The following TMEM59L variants were observed in gnomAD, a reference collection of about 807,000 sequenced individuals.
TMEM59L encodes the protein transmembrane protein 59 like, also known as transmembrane protein 59-like.
In TMEM59L, 31 loss-of-function variants were observed where a neutral mutation model predicts 39.6. That is an observed-to-expected ratio of 0.78 (90% CI 0.59 to 1.06). TMEM59L has a LOEUF of 1.06. TMEM59L is among the 50% of genes least tolerant of loss of function. The pLI, the probability that TMEM59L is intolerant of heterozygous loss-of-function variation, is 0.00. For synonymous variants in TMEM59L, 219 were observed against 202.9 expected (o/e 1.08, Z -0.68); for missense variants, 441 against 451.3 (o/e 0.98, Z 0.21).
At chr19:18,619,177 A>C (rs1020268196) in intron 7 of TMEM59L, among the ~76,000 whole-genome samples, 1 of 151,226 alleles carries the variant, frequency 6.6e-6, no homozygotes, top group African/African-American at 2.4e-5. Flanking sequence ...TTTTTTGTAG[A>C]GATGGGGACT....
chr19:18,618,095 T>G, intron 5 of TMEM59L, 60 bp from the exon 6 acceptor site: 101 of 1,238,032 alleles, frequency 8.2e-5, no homozygotes, highest in Middle Eastern at 1.9e-4. Flanking sequence ...CTCCTGGTCA[T>G]GGTTATTGTG....
intron 5 of TMEM59L, chr19:18,617,850 G>T (rs1976448585): frequency 2.2e-6 from 1 of 449,136 alleles, no homozygotes; most frequent in East Asian, 4.9e-5. Flanking sequence ...GGTTCCATGG[G>T]TTCATCTTCT....
At chr19:18,616,160 G>T (rs1430959131) in intron 4 of TMEM59L, 33 bp downstream of exon 4, 2 of 1,611,274 alleles carry the variant, frequency 1.2e-6, no homozygotes, top group Middle Eastern at 3.6e-4. Context: ...CGCCAGAGTG[G>T]CAGATGGGTG....
chr19:18,620,188 G>A (rs184282880), intron 7 of TMEM59L, among the ~76,000 whole-genome samples: 48 of 152,124 alleles, frequency 3.2e-4, no homozygotes, highest in South Asian at 4.2e-4. Flanking sequence ...TGTAGTCCCA[G>A]CTACTTGGGA....
chr19:18,615,020 T>G (rs1205982633), intron 3 of TMEM59L, among the ~76,000 whole-genome samples: 1 of 152,200 alleles, frequency 6.6e-6, no homozygotes, highest in Admixed American at 6.5e-5. Context: ...TCTTGCTCTG[T>G]TGCCTAGCCT....
rs1976398241 is a variant in TMEM59L at position 18,613,883 on chromosome 19, G to A, written c.183G>A (p.Glu61=). Residue 61 remains glutamate, a synonymous_variant, in exon 2 of 8, where the codon GAG becomes GAA. Transcript: ENST00000262817. ...CTCCCCTCCCCCAGGCGGGGCTGGAGGGCGCCTCCGAGTCTCCCTATGACA... is the reference window on the plus strand; with the variant it reads ...CTCCCCTCCCCCAGGCGGGGCTGGAAGGCGCCTCCGAGTCTCCCTATGACA... ...LGPQPSQAGL[E]GASESPYDRA... The A allele has an allele frequency of 1.2e-6, 2 of 1,611,520 alleles. No homozygotes were observed. The highest frequency in any genetic ancestry group is 1.1e-5 in the South Asian group (1 of 91,058).
rs1976454732 is a variant in TMEM59L, at chr19:18,618,372, C to A, written c.783-3C>A. 6.2e-7 allele frequency: 1 copy of A among 1,606,536 alleles called. No homozygotes were observed. Among genetic ancestry groups the A allele is most frequent in the Non-Finnish European group, 8.5e-7 (1 of 1,178,726 alleles). On this transcript the variant is annotated splice_polypyrimidine_tract_variant and splice_region_variant and intron_variant, in intron 6 of 7. Coordinates refer to ENST00000262817, the MANE Select transcript of TMEM59L (RefSeq NM_012109.3). ...GCTGAGTGGTGCCTGCCGGGCGGGG[C>A]AGGCGCTCGGGTCTGCCTCGCTGGA...
chr19:18,616,408 T>G (rs1600665686), intron 4 of TMEM59L, among the ~76,000 whole-genome samples: 1 of 97,156 alleles, frequency 1.0e-5, no homozygotes, highest in African/African-American at 3.9e-5. Flanking sequence ...TGTTGTTGTT[T>G]TGAGATGGAC....
At position 18,614,184 on chromosome 19, in the gene TMEM59L, C is replaced by A; in HGVS notation, c.397C>A (p.Pro133Thr). The A allele has an allele frequency of 6.2e-7, 1 of 1,600,032 alleles. No homozygotes were observed. Among genetic ancestry groups the A allele is most frequent in the African/African-American group, 1.3e-5 (1 of 74,938 alleles). The change falls in exon 3 of 8, where the codon CCG becomes ACG. Residue 133 changes from proline (P) to threonine (T), a missense_variant. By Grantham distance (38) the Pro-to-Thr change is conservative (BLOSUM62 -1). Transcript: ENST00000262817. ...GCWSQPAEPE[P>T]EQKRKVLEAP... ...CTGGAGCCAGCCCGCGGAGCCTGAG[C>A]CGGAGCAGAAGGTGGGCCTCCCACT...
Position 18,617,077 on chromosome 19 carries a change from C to T in TMEM59L, c.639C>T (p.His213=). The T allele has an allele frequency of 2.5e-6, 4 of 1,613,366 alleles. No homozygotes were observed. The highest frequency in any genetic ancestry group is 2.2e-5 in the East Asian group (1 of 44,888). The change falls in exon 5 of 8, where the codon CAC becomes CAT. Residue 213 remains histidine, a synonymous_variant. Transcript: ENST00000262817. ...QRVEVTWRGS[H]PEALEVHVDP... ...TGGAGGTGACCTGGCGAGGCTCCCA[C>T]CCTGAAGCCCTGGAGGTGCACGTGG...
At position 18,613,950 on chromosome 19, in the gene TMEM59L, T is replaced by C. The variant is rs775097478; in HGVS notation, c.250T>C (p.Phe84Leu). ...ISACERGCRLFSICRFVARSS... is the reference protein window; with the variant it reads ...ISACERGCRLLSICRFVARSS... The stretch of plus-strand genomic sequence containing the variant: ...CGCTTGCGAGCGTGGCTGCCGCCTC[T>C]TCTCCATCTGCCGATTTGTGGCCAG... The change falls in exon 2 of 8, where the codon TTC (phenylalanine) becomes CTC (leucine). Residue 84 changes from phenylalanine (F) to leucine (L), a missense_variant. Phe to Leu is a conservative substitution (Grantham distance 22). Transcript: ENST00000262817. 1.9e-6 allele frequency: 3 copies of C among 1,613,132 alleles called. No individual in the cohort carries two copies. In the African/African-American group the frequency reaches 4.0e-5, roughly 22 times the overall value.
At position 18,613,018 on chromosome 19, in the gene TMEM59L, G is replaced by A; in HGVS notation, c.60G>A (p.Pro20=). Residue 20 remains proline (P), a synonymous_variant, in exon 1 of 8, where the codon CCG becomes CCA. Coordinates refer to ENST00000262817, the MANE Select transcript of TMEM59L (RefSeq NM_012109.3). ...PLLLLLLLAS[P]PAASAPSARD... The stretch of plus-strand genomic sequence containing the variant: ...TGCTGCTGCTGCTGTTGGCGTCGCC[G>A]CCCGCCGCCTCCGCGCCGTCCGCCC... 2 of 1,385,560 alleles carry A rather than the reference G, an allele frequency of 1.4e-6. No individual in the cohort carries two copies. Among genetic ancestry groups the A allele is most frequent in the South Asian group, 1.6e-5 (1 of 62,770 alleles). The allele number at this position is 1,385,560 out of a possible 1,614,324, so 85.8% of individuals were successfully genotyped here.
intron 6 of TMEM59L, 48 bp downstream of exon 6, chr19:18,618,320 C>T (rs777496920): frequency 8.1e-6 from 13 of 1,603,630 alleles, no homozygotes; most frequent in African/African-American, 4.0e-5. Flanking sequence ...ACTGGAGGTA[C>T]GGGTCTCCCT....
Position 18,612,968 on chromosome 19 carries a change from G to A in TMEM59L, c.10G>A (p.Val4Met), listed in dbSNP as rs1038610920. Reference protein sequence around the residue: MAAVALMPPPLLLL... With the variant: MAAMALMPPPLLLL... ...CGCGTTCCGCCCGGCCATGGCTGCGGTGGCGCTGATGCCACCGCCGCTGCT... is the reference window on the plus strand; with the variant it reads ...CGCGTTCCGCCCGGCCATGGCTGCGATGGCGCTGATGCCACCGCCGCTGCT... The change falls in exon 1 of 8, where the codon GTG becomes ATG. Residue 4 changes from valine (V) to methionine (M), a missense_variant. Transcript: ENST00000262817. This position sits in a 1 kb window ranked among gnomAD's most constrained non-coding sequence, Gnocchi z 6.2. 7.5e-7 allele frequency: 1 copy of A among 1,332,138 alleles called. No individual in the cohort carries two copies. Among genetic ancestry groups the A allele is most frequent in the East Asian group, 3.1e-5 (1 of 32,014 alleles). 82.5% of individuals were successfully genotyped at this position (1,332,138 alleles called of 1,614,324 possible).
Position 18,613,047 on chromosome 19 carries a change from A to G in TMEM59L, c.89A>G (p.Asp30Gly). The change falls in exon 1 of 8, where the codon GAT becomes GGT. Residue 30 changes from aspartate (D) to glycine (G), a missense_variant. Asp to Gly is a moderately conservative substitution (Grantham distance 94). Transcript: ENST00000262817. Reference sequence around the variant, plus strand: ...GCCGCCTCCGCGCCGTCCGCCCGCGATCCCTTCGCCCCCCAGCTCGGGGAC... The same window carrying G: ...GCCGCCTCCGCGCCGTCCGCCCGCGGTCCCTTCGCCCCCCAGCTCGGGGAC... ...PPAASAPSAR[D>G]PFAPQLGDTQ... The G allele has an allele frequency of 7.2e-7, 1 of 1,392,064 alleles. No individual in the cohort carries two copies. Among genetic ancestry groups the G allele is most frequent in the Non-Finnish European group, 9.3e-7 (1 of 1,075,178 alleles). The allele number at this position is 1,392,064 out of a possible 1,614,324, so 86.2% of individuals were successfully genotyped here. A position where few individuals can be genotyped will look rare whatever the true frequency, so the allele number is the denominator to read the frequency against.
At chr19:18,613,235 G>C in intron 1 of TMEM59L, 106 bp downstream of exon 1, 1 of 1,159,906 alleles carries the variant, frequency 8.6e-7, no homozygotes, top group South Asian at 4.2e-5. Context: ...ACTTTGGTGG[G>C]GGTGTCCGTG....
At chr19:18,614,254 C>T (rs547479932) in intron 3 of TMEM59L, 59 bp downstream of exon 3, 5 of 1,513,606 alleles carry the variant, frequency 3.3e-6, no homozygotes, top group East Asian at 4.9e-5. Context: ...CTCTTCACCC[C>T]GTGGGAAATC....
At chr19:18,618,130 C>T (rs368780170) in intron 5 of TMEM59L, 25 bp from the exon 6 acceptor site, 100 of 1,577,034 alleles carry the variant, frequency 6.3e-5, no homozygotes, top group Admixed American at 2.0e-4. Context: ...ACCTGGTGGT[C>T]GCTGAGTGGC....
At chr19:18,616,947 C>A in intron 4 of TMEM59L, 53 bp from the exon 5 acceptor site, 1 of 1,413,566 alleles carries the variant, frequency 7.1e-7, no homozygotes, top group Non-Finnish European at 9.7e-7. Flanking sequence ...CCTGCCTGGG[C>A]CCAGGGGTGC....
Sources: gnomAD v4.1 joint callset for allele counts (sites outside exome capture counted in the v4.1 genomes callset) on GRCh38, gnomAD v4.1.1 for gene constraint, Gnocchi (gnomAD v3.1) non-coding constraint, MANE v1.5 for transcripts, NCBI Gene and HGNC (gene_info 2026-07-23, HGNC 2026-07-21) for gene names.